CELF2: variants seen among roughly 807,000 people sequenced by gnomAD.
CELF2 encodes the protein CUG triplet repeat RNA-binding protein 2.
CELF2 carries 8 observed loss-of-function variants against 62.6 expected under a neutral mutation model. That is an observed-to-expected ratio of 0.13 (90% CI 0.07 to 0.23). CELF2 has a LOEUF of 0.23. Among genes scored for constraint, CELF2 ranks in the 10% least tolerant of loss-of-function variants. The pLI is 1.00. For missense variants in CELF2, 333 were observed against 671.0 expected (o/e 0.50, Z 5.56); for synonymous variants, 258 against 250.0 (o/e 1.03, Z -0.30).
intron 4 of CELF2, 34 bp from the exon 5 acceptor site, chr10:11,257,704 T>G (rs866067741): frequency 3.1e-6 from 5 of 1,605,734 alleles, no homozygotes; most frequent in Middle Eastern, 3.3e-4. Context: ...AAAGATGAAA[T>G]GGCCTTTGCT....
At position 11,079,194 on chromosome 10, in the gene CELF2, G is replaced by C. The variant is rs183962009; in HGVS notation, c.74+61031G>C. ...ACTTACTGAGAGTGACAAGAGAGGA[G>C]TATCTCAAAAATGTATAAATTTCAT... is the stretch of plus-strand genomic sequence containing the variant. On this transcript the variant is annotated intron_variant, in intron 1 of 12. Transcript: ENST00000633077. Among the ~76,000 whole-genome samples the C allele has an allele frequency of 3.0e-4, 45 of 152,280 alleles. 1 individual carries two copies. The East Asian group carries it at 4.6e-3, about 16-fold the overall frequency.
chr10:10,723,333 A>G, the CELF2 span, among the ~76,000 whole-genome samples: 2 of 152,130 alleles, frequency 1.3e-5, no homozygotes, highest in South Asian at 4.1e-4. Flanking sequence ...GTTGGTCTGA[A>G]CTGTTTCTAA....
At chr10:10,662,360 T>C in the CELF2 span, among the ~76,000 whole-genome samples, 44,925 of 152,058 alleles carry the variant, frequency 0.3, 7,162 homozygotes, top group South Asian at 0.53. Flanking sequence ...AAGACTAAAA[T>C]GTGCATGACT....
At chr10:10,522,200 C>T in the CELF2 span, among the ~76,000 whole-genome samples, 21,393 of 152,196 alleles carry the variant, frequency 0.14, 1,730 homozygotes, top group East Asian at 0.23. Flanking sequence ...AAAAATACTT[C>T]GAAGTATTCT....
In CELF2 at chr10:11,017,978, G is replaced by T; in HGVS notation, c.-112G>T. 1 of 990,532 alleles carries T rather than the reference G, an allele frequency of 1.0e-6. No homozygotes were observed. The highest frequency in any genetic ancestry group is 1.2e-6 in the Non-Finnish European group (1 of 834,530). 61.4% of individuals were successfully genotyped at this position (990,532 alleles called of 1,614,324 possible). A position where few individuals can be genotyped will look rare whatever the true frequency, so the allele number is the denominator to read the frequency against. On this transcript the variant is annotated 5_prime_UTR_variant, in exon 1 of 13. Transcript: ENST00000633077. The surrounding 1 kb of genome is among the most constrained non-coding windows in gnomAD (Gnocchi z 5.5). ...AGAATGTGACAAGTGCCGGCTCGGC[G>T]GCCGCCGGGGGAGGCCGCGCGCACC...
the CELF2 span, among the ~76,000 whole-genome samples, chr10:10,720,532 A>G: frequency 8.5e-5 from 13 of 152,328 alleles, no homozygotes; most frequent in African/African-American, 2.2e-4. Flanking sequence ...GGGAGACCCA[A>G]TGGTACAGAA....
intron 1 of CELF2, among the ~76,000 whole-genome samples, chr10:11,053,708 G>A (rs1205398617): frequency 8.1e-5 from 12 of 148,206 alleles, no homozygotes; most frequent in East Asian, 7.9e-4. Context: ...TCCGCCTTCC[G>A]GGTTCACACC....
chr10:11,206,896 G>A lies in CELF2; in HGVS notation c.272-10529G>A, dbSNP rs997265537. Among the ~76,000 whole-genome samples the A allele has an allele frequency of 4.6e-5, 7 of 152,328 alleles. No homozygotes were observed. In the South Asian group the frequency reaches 1.4e-3, roughly 32 times the overall value. On this transcript the variant is annotated intron_variant, in intron 2 of 12. Coordinates refer to ENST00000633077, the MANE Select transcript of CELF2 (RefSeq NM_001326342.2). ...CCTGGGGGCCTGGACAAATGCACAC[G>A]TCACCCTACCTTTCTGATGCTCAGA...
chr10:11,203,764 C>T (rs2059805697), intron 2 of CELF2, among the ~76,000 whole-genome samples: 1 of 152,194 alleles, frequency 6.6e-6, no homozygotes, highest in Non-Finnish European at 1.5e-5. Context: ...CCAGCCATCC[C>T]CATTTTGGGG....
chr10:11,151,787 G>A (rs1373905178), intron 1 of CELF2, among the ~76,000 whole-genome samples: 2 of 152,116 alleles, frequency 1.3e-5, no homozygotes, highest in African/African-American at 2.4e-5. Flanking sequence ...GGGCTTTTAG[G>A]AAACATAGAA....
At chr10:11,135,848 C>G (rs2060348462) in intron 1 of CELF2, among the ~76,000 whole-genome samples, 1 of 152,168 alleles carries the variant, frequency 6.6e-6, no homozygotes. Context: ...TGTGTATGGC[C>G]TGGGCGGTGG....
intron 1 of CELF2, among the ~76,000 whole-genome samples, chr10:11,085,916 C>T (rs1039328832): frequency 6.6e-6 from 1 of 152,118 alleles, no homozygotes; most frequent in Non-Finnish European, 1.5e-5. Flanking sequence ...TTTCTGTCAA[C>T]TCTCTGTGCC....
the CELF2 span, among the ~76,000 whole-genome samples, chr10:10,745,306 T>C: frequency 6.6e-6 from 1 of 152,186 alleles, no homozygotes; most frequent in Admixed American, 6.5e-5. Context: ...TTCATCACCT[T>C]GATTTCTTAC....
the CELF2 span, among the ~76,000 whole-genome samples, chr10:10,626,119 T>C: frequency 6.6e-6 from 1 of 152,166 alleles, no homozygotes; most frequent in African/African-American, 2.4e-5. Flanking sequence ...TGTGGCTTTT[T>C]TTCACCTTGA....
At chr10:10,875,417 C>T (rs550221975) in intron 1 of CELF2, among the ~76,000 whole-genome samples, 1 of 152,260 alleles carries the variant, frequency 6.6e-6, no homozygotes, top group South Asian at 2.1e-4. Flanking sequence ...ATAGTCTGCT[C>T]CATTTCTGCA....
chr10:10,933,915 A>G (rs1742463952), intron 2 of CELF2, among the ~76,000 whole-genome samples: 1 of 152,186 alleles, frequency 6.6e-6, no homozygotes, highest in Admixed American at 6.5e-5. Context: ...GGGAGTGCAG[A>G]TATGTCCTGA....
chr10:10,882,830 A>G (rs533516243), intron 1 of CELF2, among the ~76,000 whole-genome samples: 1 of 152,318 alleles, frequency 6.6e-6, no homozygotes, highest in Non-Finnish European at 1.5e-5. Flanking sequence ...TTCTGGGTGC[A>G]CTGCTAACCT....
chr10:10,579,348 A>G, the CELF2 span, among the ~76,000 whole-genome samples: 2 of 152,180 alleles, frequency 1.3e-5, no homozygotes, highest in East Asian at 3.8e-4. Flanking sequence ...GATGGTCTTC[A>G]TGGTACTCAT....
the CELF2 span, among the ~76,000 whole-genome samples, chr10:10,732,898 C>T: frequency 6.6e-6 from 1 of 152,118 alleles, no homozygotes; most frequent in African/African-American, 2.4e-5. Context: ...TTTCAGCAGG[C>T]AGGCTGGGAT....
Sources: gnomAD v4.1 joint callset for allele counts (sites outside exome capture counted in the v4.1 genomes callset) on GRCh38, gnomAD v4.1.1 for gene constraint, Gnocchi (gnomAD v3.1) non-coding constraint, MANE v1.5 for transcripts, NCBI Gene and HGNC (gene_info 2026-07-23, HGNC 2026-07-21) for gene names.